UBE2V2: variants seen among roughly 807,000 people sequenced by gnomAD.
UBE2V2 encodes the protein ubiquitin-conjugating enzyme E2 variant 2.
UBE2V2 carries 9 observed loss-of-function variants against 17.2 expected under a neutral mutation model. The ratio of observed to expected loss-of-function variants is 0.52; its 90% CI spans 0.32 to 0.91. The LOEUF is 0.91. Among genes scored for constraint, UBE2V2 ranks in the 40% least tolerant of loss-of-function variants. UBE2V2 has a pLI of 0.04. For synonymous variants in UBE2V2, 61 were observed against 57.5 expected, an observed-to-expected ratio of 1.06 and a Z score of -0.28; for missense variants, 133 against 182.6, an observed-to-expected ratio of 0.73 and a Z score of 1.56.
At chr8:48,034,346 C>G (rs1042236580) in intron 1 of UBE2V2, among the ~76,000 whole-genome samples, 8 of 152,038 alleles carry the variant, frequency 5.3e-5, no homozygotes, top group African/African-American at 1.9e-4. Context: ...AGGCTGGTCT[C>G]GAACTCCTGA....
intron 1 of UBE2V2, among the ~76,000 whole-genome samples, chr8:48,018,314 T>A (rs751651843): frequency 1.3e-5 from 2 of 152,258 alleles, no homozygotes; most frequent in African/African-American, 2.4e-5. Flanking sequence ...GTCTTAAAAC[T>A]GCTTTTGCTG....
At chr8:48,025,273 C>CTT (rs1225705153) in intron 1 of UBE2V2, among the ~76,000 whole-genome samples, 1 of 133,934 alleles carries the variant, frequency 7.5e-6, no homozygotes. Context: ...CTTTTCTTTT[C>CTT]TTTTTTTTTT....
intron 1 of UBE2V2, chr8:48,042,821 G>A (rs1050875991): frequency 2.6e-6 from 1 of 390,446 alleles, no homozygotes; most frequent in Non-Finnish European, 4.5e-6. Context: ...GTTGTATACT[G>A]CTGTTAATGT....
intron 1 of UBE2V2, among the ~76,000 whole-genome samples, chr8:48,011,811 A>T (rs1480121702): frequency 1.3e-5 from 2 of 152,152 alleles, no homozygotes; most frequent in East Asian, 3.9e-4. Context: ...GCATTGCCAC[A>T]CCTGGCTAAT....
chr8:48,008,386 G>C (rs28542480), upstream of UBE2V2: 4 of 1,542,656 alleles, frequency 2.6e-6, no homozygotes, highest in Admixed American at 3.9e-5. Flanking sequence ...GCAGGGCGGC[G>C]CGCTCCCGGA....
At chr8:48,012,208 A>T (rs1049344869) in intron 1 of UBE2V2, among the ~76,000 whole-genome samples, 3 of 151,736 alleles carry the variant, frequency 2.0e-5, no homozygotes, top group African/African-American at 7.3e-5. Flanking sequence ...CTTGTTTCAG[A>T]CTCTTAGATC....
At chr8:48,022,939 C>T (rs537789963) in intron 1 of UBE2V2, among the ~76,000 whole-genome samples, 4 of 150,818 alleles carry the variant, frequency 2.7e-5, no homozygotes, top group Non-Finnish European at 4.4e-5. Context: ...CCCCTGCGAG[C>T]GCTTTAAATG....
chr8:48,053,489 T>C (rs924385644), intron 3 of UBE2V2, among the ~76,000 whole-genome samples: 1 of 150,296 alleles, frequency 6.7e-6, no homozygotes. Context: ...AGTCACGCGA[T>C]CTTGGCTCAC....
the UBE2V2 span, among the ~76,000 whole-genome samples, chr8:48,003,344 C>T: frequency 1.3e-5 from 2 of 152,048 alleles, no homozygotes; most frequent in African/African-American, 4.8e-5. Context: ...TGGATGGCAC[C>T]GTAAACAGGG....
chr8:48,053,450 G>C (rs1169751435), intron 3 of UBE2V2, among the ~76,000 whole-genome samples: 1 of 141,824 alleles, frequency 7.1e-6, no homozygotes, highest in Non-Finnish European at 1.5e-5. Context: ...TTGAGATGGA[G>C]TCTCACTCTG....
intron 2 of UBE2V2, chr8:48,043,420 G>GA (rs1175435213): frequency 1.3e-5 from 4 of 301,192 alleles, no homozygotes; most frequent in African/African-American, 2.2e-5. Context: ...TAGTAAGGGA[G>GA]AAAAAATCAG....
upstream of UBE2V2, among the ~76,000 whole-genome samples, chr8:48,005,327 G>C (rs896952304): frequency 1.3e-5 from 2 of 152,078 alleles, no homozygotes; most frequent in African/African-American, 2.4e-5. Flanking sequence ...CATCATCCAT[G>C]TTCCTGCAAA....
At chr8:48,035,315 T>C (rs1023468618) in intron 1 of UBE2V2, among the ~76,000 whole-genome samples, 2 of 151,780 alleles carry the variant, frequency 1.3e-5, no homozygotes, top group African/African-American at 2.4e-5. Context: ...GAGACGGGGT[T>C]TCACCATATT....
intron 1 of UBE2V2, among the ~76,000 whole-genome samples, chr8:48,031,231 C>T (rs2091381101): frequency 6.6e-6 from 1 of 151,782 alleles, no homozygotes; most frequent in East Asian, 1.9e-4. Context: ...CAAACCCCCC[C>T]CAACAACAAC....
In UBE2V2 at chr8:48,060,925, G is replaced by T. The variant is rs1453166224; in HGVS notation, c.*97G>T. 1.7e-6 allele frequency: 2 copies of T among 1,145,410 alleles called. No individual in the cohort carries two copies. The highest frequency in any genetic ancestry group is 2.3e-6 in the Non-Finnish European group (2 of 873,650). 71.0% of individuals were successfully genotyped at this position (1,145,410 alleles called of 1,614,324 possible). ...AATGCAAAATACACATTAAGTAAAAGAATTCCAGCTGGTAAACATGACCTG... is the reference window on the plus strand; with the variant it reads ...AATGCAAAATACACATTAAGTAAAATAATTCCAGCTGGTAAACATGACCTG... On this transcript the variant is annotated 3_prime_UTR_variant, in exon 4 of 4. Coordinates refer to ENST00000523111, the MANE Select transcript of UBE2V2 (RefSeq NM_003350.3).
chr8:48,046,049 C>T (rs989907325), intron 2 of UBE2V2, among the ~76,000 whole-genome samples: 8 of 152,252 alleles, frequency 5.3e-5, no homozygotes, highest in Middle Eastern at 3.4e-3. Context: ...CAGGTTCAAG[C>T]GGTTTTCCTG....
chr8:47,998,040 G>A, the UBE2V2 span, among the ~76,000 whole-genome samples: 1 of 151,958 alleles, frequency 6.6e-6, no homozygotes, highest in Non-Finnish European at 1.5e-5. Context: ...AGTAAAGAAA[G>A]CCAGAACATA....
chr8:48,009,934 G>A (rs962074610), intron 1 of UBE2V2, among the ~76,000 whole-genome samples: 2 of 152,140 alleles, frequency 1.3e-5, no homozygotes, highest in African/African-American at 4.8e-5. Flanking sequence ...ATCTGTGCTC[G>A]TTAACGGGGC....
At chr8:48,029,154 C>T (rs954727929) in intron 1 of UBE2V2, among the ~76,000 whole-genome samples, 5 of 152,000 alleles carry the variant, frequency 3.3e-5, no homozygotes, top group African/African-American at 1.2e-4. Flanking sequence ...GTACCGAGAT[C>T]CTGTCTCTAC....
Sources: allele counts gnomAD v4.1 joint callset (sites outside exome capture counted in the v4.1 genomes callset), GRCh38; gene constraint gnomAD v4.1.1; transcripts MANE v1.5; gene names NCBI Gene and HGNC (gene_info 2026-07-23, HGNC 2026-07-21).